Variants in CACNB2 observed in about 807,000 individuals in gnomAD.
The protein encoded by CACNB2 is calcium voltage-gated channel auxiliary subunit beta 2, also known as voltage-dependent L-type calcium channel subunit beta-2.
CACNB2 carries 42 observed loss-of-function variants against 73.3 expected under a neutral mutation model. The ratio of observed to expected loss-of-function variants is 0.57; its 90% CI spans 0.45 to 0.74. The LOEUF (loss-of-function observed/expected upper bound fraction) is 0.74. Among genes scored for constraint, CACNB2 ranks in the 30% least tolerant of loss-of-function variants. The pLI, the probability that CACNB2 is intolerant of heterozygous loss-of-function variation, is 0.00. For synonymous variants in CACNB2, 348 were observed against 310.3 expected, an observed-to-expected ratio of 1.12 and a Z score of -1.28; for missense variants, 940 against 853.0, an observed-to-expected ratio of 1.10 and a Z score of -1.27.
At chr10:18,285,733 A>C (rs1190196195) in intron 2 of CACNB2, among the ~76,000 whole-genome samples, 1 of 152,170 alleles carries the variant, frequency 6.6e-6, no homozygotes. Context: ...TTTTTTTCAC[A>C]GTTGTTATGT....
chr10:18,438,990 C>G (rs7917206), intron 3 of CACNB2, among the ~76,000 whole-genome samples: 86,263 of 152,182 alleles, frequency 0.57, 24,680 homozygotes, highest in Non-Finnish European at 0.6. Flanking sequence ...TGGTGGTAAA[C>G]TGAAGGTCAT....
At chr10:18,277,495 A>G (rs968897672) in intron 2 of CACNB2, among the ~76,000 whole-genome samples, 4 of 152,250 alleles carry the variant, frequency 2.6e-5, no homozygotes, top group Admixed American at 1.3e-4. Context: ...AACGAGGAAA[A>G]TATATGATCA....
intron 2 of CACNB2, among the ~76,000 whole-genome samples, chr10:18,336,750 G>C (rs990926683): frequency 3.9e-5 from 6 of 152,176 alleles, no homozygotes; most frequent in African/African-American, 1.4e-4. Context: ...CTTTTGACAA[G>C]TTAAAGTCTA....
At chr10:18,236,613 A>G (rs368368700) in intron 2 of CACNB2, among the ~76,000 whole-genome samples, 1 of 152,190 alleles carries the variant, frequency 6.6e-6, no homozygotes, top group East Asian at 1.9e-4. Flanking sequence ...CTGGTTTGAG[A>G]TCAAGCTATT....
chr10:18,203,785 T>TA (rs1384505142), intron 2 of CACNB2, among the ~76,000 whole-genome samples: 1 of 151,282 alleles, frequency 6.6e-6, no homozygotes, highest in Non-Finnish European at 1.5e-5. Flanking sequence ...GTTGTTGGAA[T>TA]AAAAAAAAAG....
intron 2 of CACNB2, among the ~76,000 whole-genome samples, chr10:18,263,479 T>C (rs1201547885): frequency 1.3e-5 from 2 of 152,204 alleles, no homozygotes; most frequent in African/African-American, 4.8e-5. Context: ...CATGTATGCA[T>C]ATATCTGTTA....
chr10:18,415,497 A>G (rs2044899460), intron 3 of CACNB2, among the ~76,000 whole-genome samples: 1 of 152,030 alleles, frequency 6.6e-6, no homozygotes, highest in African/African-American at 2.4e-5. Context: ...AAAGAAAAAA[A>G]AAGCATTATG....
At chr10:18,275,189 C>T (rs2038227666) in intron 2 of CACNB2, among the ~76,000 whole-genome samples, 1 of 152,216 alleles carries the variant, frequency 6.6e-6, no homozygotes, top group Non-Finnish European at 1.5e-5. Flanking sequence ...GGCAGCAGCT[C>T]AGAGTTCCTA....
intron 3 of CACNB2, among the ~76,000 whole-genome samples, chr10:18,442,971 T>C (rs1289697879): frequency 8.6e-4 from 16 of 18,572 alleles, no homozygotes; most frequent in African/African-American, 2.5e-3. Context: ...TATATATATG[T>C]GTATATATAT....
intron 2 of CACNB2, among the ~76,000 whole-genome samples, chr10:18,250,697 C>T (rs1022874003): frequency 3.9e-5 from 6 of 152,190 alleles, no homozygotes; most frequent in African/African-American, 1.2e-4. Flanking sequence ...TCAAGACCAT[C>T]GCAAACTGAT....
chr10:18,461,086 C>T (rs1307708713), intron 3 of CACNB2, among the ~76,000 whole-genome samples: 1 of 151,998 alleles, frequency 6.6e-6, no homozygotes, highest in Non-Finnish European at 1.5e-5. Flanking sequence ...TGCGCCACCA[C>T]GCCCAGAAAA....
chr10:18,150,796 A>T, intron 1 of CACNB2, 87 bp from the exon 2 acceptor site: 1 of 837,588 alleles, frequency 1.2e-6, no homozygotes, highest in Non-Finnish European at 1.9e-6. Flanking sequence ...TTGGTCTTTG[A>T]CATTTTCTGC....
At chr10:18,168,850 G>A (rs2033044492) in intron 2 of CACNB2, among the ~76,000 whole-genome samples, 1 of 152,136 alleles carries the variant, frequency 6.6e-6, no homozygotes, top group Non-Finnish European at 1.5e-5. Context: ...ATTTTTAACT[G>A]TGGTTCCTTG....
chr10:18,202,502 GT>G (rs112079792), intron 2 of CACNB2, among the ~76,000 whole-genome samples: 22 of 151,626 alleles, frequency 1.5e-4, no homozygotes, highest in South Asian at 1.0e-3. Context: ...TTTACTTCAA[GT>G]TTTTTTTTAA....
chr10:18,258,351 A>G (rs912845346), intron 2 of CACNB2, among the ~76,000 whole-genome samples: 1 of 152,200 alleles, frequency 6.6e-6, no homozygotes, highest in Non-Finnish European at 1.5e-5. Flanking sequence ...TTTTCATCTT[A>G]TTCTAACTTT....
At chr10:18,520,009 A>G in intron 9 of CACNB2, 1 of 289,540 alleles carries the variant, frequency 3.5e-6, no homozygotes, top group Non-Finnish European at 6.7e-6. Flanking sequence ...TCCTTTGCTG[A>G]TACTTCCTCA....
At chr10:18,475,709 G>A (rs146406609) in intron 3 of CACNB2, among the ~76,000 whole-genome samples, 29 of 152,246 alleles carry the variant, frequency 1.9e-4, no homozygotes, top group East Asian at 9.7e-4. Flanking sequence ...CTGAAACTTC[G>A]TATAATGACA....
chr10:18,296,397 G>A (rs530706034), intron 2 of CACNB2, among the ~76,000 whole-genome samples: 2 of 151,976 alleles, frequency 1.3e-5, no homozygotes, highest in Admixed American at 6.6e-5. Flanking sequence ...ATACAGATAC[G>A]CTATTTACTT....
At chr10:18,366,026 A>G (rs1043364451) in intron 2 of CACNB2, among the ~76,000 whole-genome samples, 6 of 152,184 alleles carry the variant, frequency 3.9e-5, no homozygotes, top group African/African-American at 1.4e-4. Flanking sequence ...TTAAATAAAC[A>G]AGAAATAAGT....
Sources: allele counts gnomAD v4.1 joint callset (sites outside exome capture counted in the v4.1 genomes callset), GRCh38; gene constraint gnomAD v4.1.1; transcripts MANE v1.5; gene names NCBI Gene and HGNC (gene_info 2026-07-23, HGNC 2026-07-21).